Variants in SMARCA2 observed in about 807,000 individuals in gnomAD.
The protein encoded by SMARCA2 is SWI/SNF related BAF chromatin remodeling complex subunit ATPase 2.
In SMARCA2, 61 loss-of-function variants were observed where a neutral mutation model predicts 199.8. The ratio of observed to expected loss-of-function variants is 0.31; its 90% CI spans 0.25 to 0.38. SMARCA2 has a LOEUF of 0.38. SMARCA2 is among the 10% of genes least tolerant of loss of function. The pLI, the probability that SMARCA2 is intolerant of heterozygous loss-of-function variation, is 1.00. For missense variants in SMARCA2, 1,344 were observed against 2,012.2 expected (o/e 0.67, Z 6.35); for synonymous variants, 935 against 732.0 (o/e 1.28, Z -4.48).
intron 29 of SMARCA2, among the ~76,000 whole-genome samples, chr9:2,174,623 A>T (rs1826433725): frequency 6.6e-6 from 1 of 152,140 alleles, no homozygotes; most frequent in African/African-American, 2.4e-5. Flanking sequence ...TACCATTAAG[A>T]AATGGGGAAG....
rs1311956458 is a variant in SMARCA2 at position 2,169,564 on chromosome 9, G to A, written c.4200-855G>A. ...TGCTTTTCCCTCTCTGCAACACCCCGACCCCACACTGACTCTAGAGCAGAA... is the reference window on the plus strand; with the variant it reads ...TGCTTTTCCCTCTCTGCAACACCCCAACCCCACACTGACTCTAGAGCAGAA... On this transcript the variant is annotated intron_variant, in intron 28 of 33. Coordinates refer to ENST00000349721, the MANE Select transcript of SMARCA2 (RefSeq NM_003070.5). The surrounding 1 kb of genome is among the most constrained non-coding windows in gnomAD (Gnocchi z 6.5). 2.0e-5 allele frequency among the ~76,000 whole-genome samples: 3 copies of A among 151,990 alleles called. No individual in the cohort carries two copies. The highest frequency in any genetic ancestry group is 1.9e-4 in the East Asian group (1 of 5,190).
At chr9:2,049,157 A>C (rs1480380124) in intron 5 of SMARCA2, among the ~76,000 whole-genome samples, 3 of 152,190 alleles carry the variant, frequency 2.0e-5, no homozygotes, top group Admixed American at 6.5e-5. Context: ...TATAGCTAGA[A>C]ATTTTTACAT....
chr9:2,019,877 T>C (rs932596688), intron 1 of SMARCA2, among the ~76,000 whole-genome samples: 3 of 152,038 alleles, frequency 2.0e-5, no homozygotes, highest in African/African-American at 7.2e-5. Flanking sequence ...CAAACTCTTC[T>C]AGGTCAGCAG....
chr9:2,047,115 G>T, intron 4 of SMARCA2, 114 bp from the exon 5 acceptor site: 5 of 719,404 alleles, frequency 7.0e-6, no homozygotes, highest in Non-Finnish European at 8.4e-6. Context: ...TCCCTCAGGT[G>T]TTTAAGACAC....
chr9:2,045,077 A>G (rs1348582473), intron 4 of SMARCA2: 1 of 152,232 alleles, frequency 6.6e-6, no homozygotes, highest in African/African-American at 2.4e-5. Flanking sequence ...CAATAATGCT[A>G]AAGAAGACAG....
rs1821386053 is a variant in SMARCA2, at chr9:2,077,656, A to G, written c.2064A>G (p.Glu688=). ...IETAKQDVDD[E]YSMQYSARGS... is the part of the protein sequence containing the mutation. ...CAGCTAAGCAAGACGTGGATGATGA[A>G]TACAGCATGCAGTACAGTGCCAGGG... Residue 688 remains glutamate (E), a synonymous_variant, in exon 14 of 34, where the codon GAA becomes GAG. Coordinates refer to ENST00000349721, the MANE Select transcript of SMARCA2 (RefSeq NM_003070.5). 2 of 1,614,122 alleles carry G rather than the reference A, an allele frequency of 1.2e-6. No homozygotes were observed. The highest frequency in any genetic ancestry group is 8.5e-7 in the Non-Finnish European group (1 of 1,179,966).
At chr9:2,061,823 T>A (rs1292826180) in intron 9 of SMARCA2, among the ~76,000 whole-genome samples, 1 of 152,196 alleles carries the variant, frequency 6.6e-6, no homozygotes, top group Non-Finnish European at 1.5e-5. Context: ...AAAAAACAAT[T>A]AATTTCATGG....
chr9:2,081,302 A>G (rs1821556615), intron 14 of SMARCA2, among the ~76,000 whole-genome samples: 1 of 152,122 alleles, frequency 6.6e-6, no homozygotes, highest in African/African-American at 2.4e-5. Context: ...TCACATTACA[A>G]AGTTCCCATG....
Position 2,182,207 on chromosome 9 carries a change from C to A in SMARCA2, c.4426C>A (p.His1476Asn), listed in dbSNP as rs766303305. Residue 1476 changes from histidine to asparagine, a missense_variant, in exon 31 of 34, where the codon CAC becomes AAC. By Grantham distance (68) the His-to-Asn change is moderately conservative (BLOSUM62 1). Coordinates refer to ENST00000349721, the MANE Select transcript of SMARCA2 (RefSeq NM_003070.5). Reference sequence around the variant, plus strand: ...GGAGAAGGATGTCATGCTTCTCTGTCACAACGCTCAGACGTTCAACCTGGA... The same window carrying A: ...GGAGAAGGATGTCATGCTTCTCTGTAACAACGCTCAGACGTTCAACCTGGA... ...DLEKDVMLLC[H>N]NAQTFNLEGS... 20 of 1,613,402 alleles carry A rather than the reference C, an allele frequency of 1.2e-5. No homozygotes were observed. The highest frequency in any genetic ancestry group is 9.3e-6 in the Non-Finnish European group (11 of 1,179,456).
intron 4 of SMARCA2, 92 bp from the exon 5 acceptor site, chr9:2,047,137 C>T (rs1819889453): frequency 1.1e-6 from 1 of 949,612 alleles, no homozygotes; most frequent in Non-Finnish European, 1.3e-6. Context: ...TAATGGTCCC[C>T]AGCACTGGGC....
At position 2,181,429 on chromosome 9, in the gene SMARCA2, G is replaced by C. The variant is rs541917824; in HGVS notation, c.4254-142G>C. ...GACATCAATCTCCAATAGAGTTGTGGGATTTTTCCTGACTTAAAAAGCTCC... is the reference window on the plus strand; with the variant it reads ...GACATCAATCTCCAATAGAGTTGTGCGATTTTTCCTGACTTAAAAAGCTCC... On this transcript the variant is annotated intron_variant, in intron 29 of 33. Coordinates refer to ENST00000349721, the MANE Select transcript of SMARCA2 (RefSeq NM_003070.5). The C allele has an allele frequency of 3.3e-5, 20 of 606,924 alleles. No homozygotes were observed. The South Asian group carries it at 3.5e-4, about 11-fold the overall frequency. 37.6% of individuals were successfully genotyped at this position (606,924 alleles called of 1,614,324 possible). A position where few individuals can be genotyped will look rare whatever the true frequency, so the allele number is the denominator to read the frequency against.
At chr9:2,160,061 C>A in intron 27 of SMARCA2, 1 of 935,014 alleles carries the variant, frequency 1.1e-6, no homozygotes, top group Non-Finnish European at 1.6e-6. Flanking sequence ...TGTTGACAGC[C>A]TTGCATGCTG....
intron 27 of SMARCA2, among the ~76,000 whole-genome samples, chr9:2,149,471 G>A (rs901438021): frequency 4.0e-5 from 6 of 151,502 alleles, no homozygotes; most frequent in African/African-American, 4.8e-5. Context: ...AGTGAGCCAC[G>A]AACATGCCAT....
At chr9:2,036,577 A>G (rs1819345668) in intron 3 of SMARCA2, among the ~76,000 whole-genome samples, 1 of 152,152 alleles carries the variant, frequency 6.6e-6, no homozygotes, top group Non-Finnish European at 1.5e-5. Context: ...AAAAATCTCT[A>G]TTTTTAATAC....
chr9:2,151,650 T>A (rs1381568359), intron 27 of SMARCA2, among the ~76,000 whole-genome samples: 5 of 152,130 alleles, frequency 3.3e-5, no homozygotes, highest in Non-Finnish European at 7.3e-5. Context: ...TGAGAATCTC[T>A]TGAACCCAGG....
rs1826213918 is a variant in SMARCA2 at position 2,170,878 on chromosome 9, G to A, written c.4253+406G>A. 2.0e-5 allele frequency among the ~76,000 whole-genome samples: 3 copies of A among 152,162 alleles called. No homozygotes were observed. Among genetic ancestry groups the A allele is most frequent in the Non-Finnish European group, 4.4e-5 (3 of 68,040 alleles). ...TAATGCGAAGCACCTGTAGTGACTT[G>A]ATCTCCTGCGAGACATGAAGAAGCG... On this transcript the variant is annotated intron_variant, in intron 29 of 33. Coordinates refer to ENST00000349721, the MANE Select transcript of SMARCA2 (RefSeq NM_003070.5). This position sits in a 1 kb window ranked among gnomAD's most constrained non-coding sequence, Gnocchi z 4.7.
In SMARCA2 at chr9:2,170,311, G is replaced by A. The variant is rs960955410; in HGVS notation, c.4200-108G>A. 4.2e-5 allele frequency: 57 copies of A among 1,372,628 alleles called. No individual in the cohort carries two copies. Among genetic ancestry groups the A allele is most frequent in the Non-Finnish European group, 5.7e-5 (56 of 986,666 alleles). 85.0% of individuals were successfully genotyped at this position (1,372,628 alleles called of 1,614,324 possible). ...TGTAATCTTCCTAACAAGGCAGGTT[G>A]GTGAGGAGACTGAGGCTTGGCCAGG... On this transcript the variant is annotated intron_variant, in intron 28 of 33. Coordinates refer to ENST00000349721, the MANE Select transcript of SMARCA2 (RefSeq NM_003070.5). The surrounding 1 kb of genome is among the most constrained non-coding windows in gnomAD (Gnocchi z 4.7).
chr9:2,121,070 C>G (rs1023941476), intron 26 of SMARCA2, among the ~76,000 whole-genome samples: 12 of 152,316 alleles, frequency 7.9e-5, no homozygotes, highest in African/African-American at 2.6e-4. Context: ...ACTGCTAAAG[C>G]CGCAGATACT....
Position 2,047,496 on chromosome 9 carries a change from C to A in SMARCA2, c.1046+12C>A, listed in dbSNP as rs1259528331. 4.2e-6 allele frequency: 6 copies of A among 1,413,752 alleles called. No homozygotes were observed. Among genetic ancestry groups the A allele is most frequent in the Non-Finnish European group, 5.6e-6 (6 of 1,073,098 alleles). 87.6% of individuals were successfully genotyped at this position (1,413,752 alleles called of 1,614,324 possible). A position where few individuals can be genotyped will look rare whatever the true frequency, so the allele number is the denominator to read the frequency against. ...GAGCGGGAATACAGGTAACGCACCC[C>A]GCCAGCAAGGGGCCCCCTGCGGTGT... On this transcript the variant is annotated intron_variant, in intron 5 of 33. Coordinates refer to ENST00000349721, the MANE Select transcript of SMARCA2 (RefSeq NM_003070.5).
Sources: allele counts gnomAD v4.1 joint callset (sites outside exome capture counted in the v4.1 genomes callset), GRCh38; gene constraint gnomAD v4.1.1; non-coding constraint Gnocchi (gnomAD v3.1); transcripts MANE v1.5; gene names NCBI Gene and HGNC (gene_info 2026-07-23, HGNC 2026-07-21).